The following CCDC149 variants were observed in gnomAD, a reference collection of about 807,000 sequenced individuals.
The protein encoded by CCDC149 is coiled-coil domain containing 149, also known as coiled-coil domain-containing protein 149.
CCDC149 carries 45 observed loss-of-function variants against 59.9 expected under a neutral mutation model. That is an observed-to-expected ratio of 0.75 (90% CI 0.59 to 0.96). The LOEUF (loss-of-function observed/expected upper bound fraction) is 0.96, where lower values mean the gene tolerates loss of function less well. Ranked by LOEUF, CCDC149 falls within the 40% of genes least tolerant of loss-of-function variation. CCDC149 has a pLI of 0.00. For synonymous variants in CCDC149, 245 were observed against 260.6 expected, an observed-to-expected ratio of 0.94 and a Z score of 0.58; for missense variants, 584 against 664.7, an observed-to-expected ratio of 0.88 and a Z score of 1.33.
At chr4:24,853,587 CAA>C (rs11291619) in intron 3 of CCDC149, among the ~76,000 whole-genome samples, 29 of 92,326 alleles carry the variant, frequency 3.1e-4, no homozygotes, top group South Asian at 1.8e-3. Context: ...GACTCCATTT[CAA>C]AAAAAAAAAA....
intron 1 of CCDC149, among the ~76,000 whole-genome samples, chr4:24,939,469 ACT>A (rs1434077208): frequency 6.6e-6 from 1 of 152,150 alleles, no homozygotes; most frequent in Non-Finnish European, 1.5e-5. Flanking sequence ...AAAACTGGAA[ACT>A]CTAAAAATCA....
intron 8 of CCDC149, among the ~76,000 whole-genome samples, chr4:24,833,848 T>C (rs933333844): frequency 6.6e-6 from 1 of 152,200 alleles, no homozygotes; most frequent in African/African-American, 2.4e-5. Flanking sequence ...CAGAGAGTCA[T>C]AGATTTTGTT....
intron 1 of CCDC149, among the ~76,000 whole-genome samples, chr4:24,976,513 G>A (rs1724203173): frequency 6.6e-6 from 1 of 152,178 alleles, no homozygotes; most frequent in Admixed American, 6.5e-5. Flanking sequence ...AGGAGTTTGA[G>A]ACCAGCCTGG....
At chr4:24,874,260 G>GTTTTTTTT (rs1233579287) in intron 2 of CCDC149, among the ~76,000 whole-genome samples, 1 of 33,848 alleles carries the variant, frequency 3.0e-5, no homozygotes, top group African/African-American at 8.9e-5. Flanking sequence ...TTTTTTTTTT[G>GTTTTTTTT]TTTTGTTTTT....
chr4:24,834,477 G>A (rs1716363955), intron 8 of CCDC149, among the ~76,000 whole-genome samples: 1 of 152,278 alleles, frequency 6.6e-6, no homozygotes, highest in East Asian at 1.9e-4. Context: ...CAGCAGCTAG[G>A]AGACTTTTCT....
At chr4:24,939,919 T>C (rs61114063) in intron 1 of CCDC149, among the ~76,000 whole-genome samples, 2,290 of 152,324 alleles carry the variant, frequency 0.015, 51 homozygotes, top group African/African-American at 0.052. Context: ...CTACGTCTCA[T>C]TGGCGTACCT....
chr4:24,888,306 G>A lies in CCDC149; in HGVS notation c.64-11609C>T, dbSNP rs186686664. On this transcript the variant is annotated intron_variant, in intron 1 of 12. Transcript: ENST00000635206. Reference sequence around the variant, plus strand: ...TAGATAGATAGATTTACATATTTTAGTCAGATAGCCATCAATTTATTATTA... The same window carrying A: ...TAGATAGATAGATTTACATATTTTAATCAGATAGCCATCAATTTATTATTA... Among the ~76,000 whole-genome samples, 40 of 152,090 alleles carry A rather than the reference G, an allele frequency of 2.6e-4. 1 individual carries two copies. The highest frequency in any genetic ancestry group is 7.7e-4 in the African/African-American group (32 of 41,470).
chr4:24,890,548 G>C (rs1034474288), intron 1 of CCDC149, among the ~76,000 whole-genome samples: 1 of 152,152 alleles, frequency 6.6e-6, no homozygotes, highest in African/African-American at 2.4e-5. Context: ...GTAATCAAAA[G>C]AACTGAGTCT....
At chr4:24,862,308 T>A (rs978988428) in intron 3 of CCDC149, among the ~76,000 whole-genome samples, 1 of 152,204 alleles carries the variant, frequency 6.6e-6, no homozygotes, top group Non-Finnish European at 1.5e-5. Flanking sequence ...GCAAAGCAAC[T>A]GACCATGGAG....
At chr4:24,963,215 T>A (rs371523587) in intron 1 of CCDC149, among the ~76,000 whole-genome samples, 2 of 152,012 alleles carry the variant, frequency 1.3e-5, no homozygotes, top group Admixed American at 1.3e-4. Context: ...TAATTTACCA[T>A]CTTCTGCCTG....
intron 12 of CCDC149, among the ~76,000 whole-genome samples, chr4:24,813,494 A>ATCTATATCTATATCTATATC (rs1250098770): frequency 8.6e-4 from 6 of 6,950 alleles, no homozygotes; most frequent in African/African-American, 1.3e-3. Flanking sequence ...TGGGGAATAT[A>ATCTATATCTATATCTATATC]TATATATATA....
rs1714253770 is a variant in CCDC149, at chr4:24,807,252, G to A, written c.*1137C>T. 6.6e-6 allele frequency: 1 copy of A among 152,144 alleles called. No individual in the cohort carries two copies. The highest frequency in any genetic ancestry group is 1.5e-5 in the Non-Finnish European group (1 of 68,028). The allele number at this position is 152,144 out of a possible 1,614,324, so 9.4% of individuals were successfully genotyped here. ...TAGAAAAGCTCATTTTTATCTGAAA[G>A]GAAAGAACCAGCTAGAATTGAGCAT... On this transcript the variant is annotated 3_prime_UTR_variant, in exon 13 of 13. Transcript: ENST00000635206.
At chr4:24,841,247 T>C (rs1414224916) in intron 4 of CCDC149, among the ~76,000 whole-genome samples, 1 of 152,222 alleles carries the variant, frequency 6.6e-6, no homozygotes, top group Non-Finnish European at 1.5e-5. Flanking sequence ...TAAAAAGCCA[T>C]ACTGACAGCC....
At position 24,853,060 on chromosome 4, in the gene CCDC149, TACTC is replaced by T. The variant is rs1717764095; in HGVS notation, c.372+8_372+11del. ...TGCAGCAGAGCTTCTTCCCTGTAAA[TACTC>T]ACAGTACCTTGTTGTCGCCCTGGAC... On this transcript the variant is annotated splice_region_variant and intron_variant, in intron 4 of 12. Coordinates refer to ENST00000635206, the MANE Select transcript of CCDC149 (RefSeq NM_001330643.2). 6.4e-7 allele frequency: 1 copy of T among 1,553,756 alleles called. No individual in the cohort carries two copies. Among genetic ancestry groups the T allele is most frequent in the Non-Finnish European group, 8.9e-7 (1 of 1,125,914 alleles).
At chr4:24,941,864 A>C (rs1220035730) in intron 1 of CCDC149, among the ~76,000 whole-genome samples, 2 of 152,230 alleles carry the variant, frequency 1.3e-5, no homozygotes, top group African/African-American at 4.8e-5. Flanking sequence ...TGAATCTCTG[A>C]ATAGACCAAT....
intron 1 of CCDC149, among the ~76,000 whole-genome samples, chr4:24,972,559 C>T (rs1054112520): frequency 5.9e-5 from 9 of 152,002 alleles, no homozygotes; most frequent in East Asian, 5.8e-4. Context: ...CCGCTCCCCT[C>T]GGCCTCCCAA....
At chr4:24,895,355 G>A (rs1192380296) in intron 1 of CCDC149, among the ~76,000 whole-genome samples, 3 of 152,106 alleles carry the variant, frequency 2.0e-5, no homozygotes, top group African/African-American at 4.8e-5. Context: ...TGTTAGCCTC[G>A]ATACAAATAG....
chr4:24,891,311 A>G (rs1441894417), intron 1 of CCDC149, among the ~76,000 whole-genome samples: 1 of 152,212 alleles, frequency 6.6e-6, no homozygotes, highest in Non-Finnish European at 1.5e-5. Flanking sequence ...AACACTGCTC[A>G]AGGTGGGGAC....
intron 1 of CCDC149, among the ~76,000 whole-genome samples, chr4:24,919,687 A>G (rs1470547380): frequency 6.6e-6 from 1 of 152,226 alleles, no homozygotes; most frequent in Non-Finnish European, 1.5e-5. Context: ...ATTGGACAAA[A>G]CATTTAAAAA....
Sources: gnomAD v4.1 joint callset for allele counts (sites outside exome capture counted in the v4.1 genomes callset) on GRCh38, gnomAD v4.1.1 for gene constraint, MANE v1.5 for transcripts, NCBI Gene and HGNC (gene_info 2026-07-23, HGNC 2026-07-21) for gene names.